Variants in CYP2S1 observed in about 807,000 individuals in gnomAD.
CYP2S1 encodes cytochrome P450 2S1.
Under a neutral mutation model 43.5 loss-of-function variants are expected in CYP2S1, and 32 were observed. The observed-to-expected ratio is 0.74, with a 90% confidence interval of 0.56 to 0.99. The LOEUF is 0.99. Ranked by LOEUF, CYP2S1 falls within the 50% of genes least tolerant of loss-of-function variation. CYP2S1 has a pLI of 0.00. For synonymous variants in CYP2S1, 283 were observed against 302.9 expected, an observed-to-expected ratio of 0.93 and a Z score of 0.68; for missense variants, 575 against 673.9, an observed-to-expected ratio of 0.85 and a Z score of 1.62.
rs750348473 is a variant in CYP2S1 at position 41,198,446 on chromosome 19, C to A, written c.494-16C>A. The A allele has an allele frequency of 1.2e-6, 2 of 1,612,340 alleles. No individual in the cohort carries two copies. Among genetic ancestry groups the A allele is most frequent in the African/African-American group, 1.3e-5 (1 of 74,920 alleles). ...GGCTCCATCACAGCCTACCTCCCTG[C>A]CCCCATTCCCCCCAGGACGCCCATT... is the stretch of plus-strand genomic sequence containing the variant. On this transcript the variant is annotated splice_polypyrimidine_tract_variant and intron_variant, in intron 3 of 8. Coordinates refer to ENST00000310054, the MANE Select transcript of CYP2S1 (RefSeq NM_030622.8). The surrounding 1 kb of genome is among the most constrained non-coding windows in gnomAD (Gnocchi z 4.9).
chr19:41,198,985 C>A lies in CYP2S1; in HGVS notation c.834+97C>A. 1 of 1,370,074 alleles carries A rather than the reference C, an allele frequency of 7.3e-7. No homozygotes were observed. The highest frequency in any genetic ancestry group is 2.4e-5 in the East Asian group (1 of 41,306). The allele number at this position is 1,370,074 out of a possible 1,614,324, so 84.9% of individuals were successfully genotyped here. Reference sequence around the variant, plus strand: ...CTGGGGACCTCAATTGGGTTCCTCTCTCTTTCTCTCTCTGCATGTCTCTGT... The same window carrying A: ...CTGGGGACCTCAATTGGGTTCCTCTATCTTTCTCTCTCTGCATGTCTCTGT... On this transcript the variant is annotated intron_variant, in intron 5 of 8. Coordinates refer to ENST00000310054, the MANE Select transcript of CYP2S1 (RefSeq NM_030622.8). This position sits in a 1 kb window ranked among gnomAD's most constrained non-coding sequence, Gnocchi z 4.9.
At chr19:41,199,489 T>C (rs2033460448) in intron 5 of CYP2S1, among the ~76,000 whole-genome samples, 1 of 151,922 alleles carries the variant, frequency 6.6e-6, no homozygotes, top group South Asian at 2.1e-4. Context: ...CAAGCAATCC[T>C]CCTGCCTCGG....
intron 6 of CYP2S1, among the ~76,000 whole-genome samples, chr19:41,202,150 G>A (rs764753024): frequency 6.6e-6 from 1 of 152,024 alleles, no homozygotes; most frequent in South Asian, 2.1e-4. Context: ...ACCACGCCCA[G>A]CTAACTTTTG....
Position 41,197,558 on chromosome 19 carries a change from G to C in CYP2S1, c.344-221G>C, listed in dbSNP as rs577444918. Among the ~76,000 whole-genome samples, 11 of 152,140 alleles carry C rather than the reference G, an allele frequency of 7.2e-5. No homozygotes were observed. The East Asian group carries it at 2.1e-3, about 30-fold the overall frequency. On this transcript the variant is annotated intron_variant, in intron 2 of 8. Transcript: ENST00000310054. ...TACTAAAAATACAAAAAATGAGCCA[G>C]GCATGGTGGCGGGCGCCTGTAGTCC...
chr19:41,206,857 A>G lies in CYP2S1; in HGVS notation c.*369A>G. 4.2e-6 allele frequency: 2 copies of G among 474,420 alleles called. No homozygotes were observed. The highest frequency in any genetic ancestry group is 2.3e-5 in the Admixed American group (1 of 43,016). 29.4% of individuals were successfully genotyped at this position (474,420 alleles called of 1,614,324 possible). A position where few individuals can be genotyped will look rare whatever the true frequency, so the allele number is the denominator to read the frequency against. On this transcript the variant is annotated 3_prime_UTR_variant, in exon 9 of 9. Coordinates refer to ENST00000310054, the MANE Select transcript of CYP2S1 (RefSeq NM_030622.8). ...TCACAAGCCACAGAAACGGCCACACATGTTCACAGCTCACACGCCCTCTCC... is the reference window on the plus strand; with the variant it reads ...TCACAAGCCACAGAAACGGCCACACGTGTTCACAGCTCACACGCCCTCTCC...
intron 6 of CYP2S1, among the ~76,000 whole-genome samples, chr19:41,202,136 C>A (rs561657225): frequency 9.9e-5 from 15 of 152,168 alleles, no homozygotes; most frequent in African/African-American, 3.4e-4. Flanking sequence ...TACAAGCATG[C>A]ACCACCACGC....
At chr19:41,197,734 G>C (rs749294889) in intron 2 of CYP2S1, 45 bp from the exon 3 acceptor site, 7 of 1,598,434 alleles carry the variant, frequency 4.4e-6, no homozygotes, top group South Asian at 2.3e-5. Flanking sequence ...AAGGGGGAAT[G>C]GGGGAGAGGG....
At position 41,207,418 on chromosome 19, in the gene CYP2S1, G is replaced by T. The variant is rs75387715; in HGVS notation, c.*930G>T. On this transcript the variant is annotated 3_prime_UTR_variant, in exon 9 of 9. Coordinates refer to ENST00000310054, the MANE Select transcript of CYP2S1 (RefSeq NM_030622.8). ...GTCCCCACTAGACCCAGTGGAAGGG[G>T]TTAGAGACCAAGTAGGGGCCAGTTT... 2,902 of 156,082 alleles carry T rather than the reference G, an allele frequency of 0.019. 92 individuals carry two copies. Among genetic ancestry groups the T allele is most frequent in the African/African-American group, 0.066 (2,763 of 41,570 alleles). 9.7% of individuals were successfully genotyped at this position (156,082 alleles called of 1,614,324 possible). A position where few individuals can be genotyped will look rare whatever the true frequency, so the allele number is the denominator to read the frequency against.
In CYP2S1 at chr19:41,198,800, T is replaced by C. The variant is rs1290432030; in HGVS notation, c.746T>C (p.Val249Ala). Residue 249 changes from valine (V) to alanine (A), a missense_variant, in exon 5 of 9, where the codon GTC (valine) becomes GCC (alanine). By Grantham distance (64) the Val-to-Ala change is moderately conservative. Around this residue, in one of 2 missense-constraint regions of CYP2S1, gnomAD observed 353 missense variants for 367.6 expected, o/e 0.96. Transcript: ENST00000310054. The surrounding 1 kb of genome is among the most constrained non-coding windows in gnomAD (Gnocchi z 4.9). ...HHVSTLAAFT[V>A]RQVQQHQGNL... is the part of the protein sequence containing the mutation. Reference sequence around the variant, plus strand: ...GTCAGCACCTTGGCTGCCTTCACAGTCCGGCAGGTGCAGCAGCACCAGGGG... The same window carrying C: ...GTCAGCACCTTGGCTGCCTTCACAGCCCGGCAGGTGCAGCAGCACCAGGGG... 6.2e-7 allele frequency: 1 copy of C among 1,614,066 alleles called. No individual in the cohort carries two copies.
chr19:41,202,047 T>A (rs185199313), intron 6 of CYP2S1, among the ~76,000 whole-genome samples: 14 of 152,180 alleles, frequency 9.2e-5, no homozygotes, highest in Non-Finnish European at 2.1e-4. Flanking sequence ...AGTGCAGTAG[T>A]GCGATCTCGG....
Position 41,206,358 on chromosome 19 carries a change from C to T in CYP2S1, c.1385C>T (p.Ser462Phe). Residue 462 changes from serine to phenylalanine, a missense_variant, in exon 9 of 9, where the codon TCC becomes TTC. Transcript: ENST00000310054. ...TTCACCACCATCCTACAAGCCTTCT[C>T]CCTGGAGAGCCCGTGCCCGCCGGAC... ...LFFTTILQAF[S>F]LESPCPPDTL... 1.2e-6 allele frequency: 2 copies of T among 1,614,158 alleles called. No individual in the cohort carries two copies. Among genetic ancestry groups the T allele is most frequent in the Non-Finnish European group, 1.7e-6 (2 of 1,180,024 alleles).
rs993926096 is a variant in CYP2S1 at position 41,199,802 on chromosome 19, T to TA, written c.834+925dup. ...CAACATGGAGAAACCCCATCTCTACTAAAAAAAAAAATACAAAATTAGCCG... is the reference window on the plus strand; with the variant it reads ...CAACATGGAGAAACCCCATCTCTACTAAAAAAAAAAAATACAAAATTAGCCG... On this transcript the variant is annotated intron_variant, in intron 5 of 8. Transcript: ENST00000310054. 7.8e-3 allele frequency among the ~76,000 whole-genome samples: 1,121 copies of TA among 144,532 alleles called. 5 individuals are homozygous for TA. Among genetic ancestry groups the TA allele is most frequent in the African/African-American group, 0.013 (507 of 39,648 alleles). The allele number at this position is 144,532 out of a possible 152,430, so 94.8% of individuals were successfully genotyped here.
At position 41,206,718 on chromosome 19, in the gene CYP2S1, G is replaced by A. The variant is rs774041118; in HGVS notation, c.*230G>A. 1.6e-5 allele frequency: 12 copies of A among 757,116 alleles called. No individual in the cohort carries two copies. The highest frequency in any genetic ancestry group is 2.9e-5 in the Non-Finnish European group (12 of 415,074). The allele number at this position is 757,116 out of a possible 1,614,324, so 46.9% of individuals were successfully genotyped here. The stretch of plus-strand genomic sequence containing the variant: ...TACAAGGGCCACAAAGCAACTGCTG[G>A]GTTAGCTTTCCACAGACATAAATAT... On this transcript the variant is annotated 3_prime_UTR_variant, in exon 9 of 9. Coordinates refer to ENST00000310054, the MANE Select transcript of CYP2S1 (RefSeq NM_030622.8).
chr19:41,195,497 C>G (rs543396347), intron 2 of CYP2S1, among the ~76,000 whole-genome samples: 2 of 138,040 alleles, frequency 1.4e-5, no homozygotes, highest in African/African-American at 2.6e-5. Flanking sequence ...TGGGGAAGCA[C>G]GGGGAGAAAG....
At position 41,207,076 on chromosome 19, in the gene CYP2S1, C is replaced by T; in HGVS notation, c.*588C>T. ...CCCAACCACTTGTCCACACAGCTAC[C>T]CACGTACGACATCGTCCTGGCTCCC... is the stretch of plus-strand genomic sequence containing the variant. On this transcript the variant is annotated 3_prime_UTR_variant, in exon 9 of 9. Transcript: ENST00000310054. 1 of 333,318 alleles carries T rather than the reference C, an allele frequency of 3.0e-6. No individual in the cohort carries two copies. Among genetic ancestry groups the T allele is most frequent in the East Asian group, 7.7e-5 (1 of 12,986 alleles). 20.6% of individuals were successfully genotyped at this position (333,318 alleles called of 1,614,324 possible).
At position 41,198,090 on chromosome 19, in the gene CYP2S1, T is replaced by A. The variant is rs934387719; in HGVS notation, c.493+162T>A. Among the ~76,000 whole-genome samples the A allele has an allele frequency of 2.0e-5, 3 of 152,158 alleles. No homozygotes were observed. The highest frequency in any genetic ancestry group is 7.2e-5 in the African/African-American group (3 of 41,426). On this transcript the variant is annotated intron_variant, in intron 3 of 8. Coordinates refer to ENST00000310054, the MANE Select transcript of CYP2S1 (RefSeq NM_030622.8). The surrounding 1 kb of genome is among the most constrained non-coding windows in gnomAD (Gnocchi z 4.9). The stretch of plus-strand genomic sequence containing the variant: ...GTTCTGTTCACTGCCACCTTCTGTC[T>A]CTGTCCCACTGTCTCTCCGAGGCTG...
At position 41,205,985 on chromosome 19, in the gene CYP2S1, T is replaced by G; in HGVS notation, c.1192T>G (p.Ser398Ala). Reference protein sequence around the residue: ...QGTEVFPLLGSILHDPNIFKH... With the variant: ...QGTEVFPLLGAILHDPNIFKH... ...CACGGAGGTCTTCCCCCTCCTTGGC[T>G]CCATCCTGCATGACCCCAACATCTT... The change falls in exon 8 of 9, where the codon TCC (serine) becomes GCC (alanine). Residue 398 changes from serine (S) to alanine (A), a missense_variant. Transcript: ENST00000310054. The G allele has an allele frequency of 6.2e-7, 1 of 1,614,014 alleles. No homozygotes were observed. The highest frequency in any genetic ancestry group is 8.5e-7 in the Non-Finnish European group (1 of 1,179,978).
Position 41,206,461 on chromosome 19 carries a change from C to T in CYP2S1, c.1488C>T (p.Asp496=), listed in dbSNP as rs1369171826. 1.2e-6 allele frequency: 2 copies of T among 1,614,158 alleles called. No individual in the cohort carries two copies. The highest frequency in any genetic ancestry group is 2.7e-5 in the African/African-American group (2 of 75,048). Reference sequence around the variant, plus strand: ...TCCAGCTGCAAGTCCGTCCCACTGACCTTCACTCCACCACGCAGACCAGAT... The same window carrying T: ...TCCAGCTGCAAGTCCGTCCCACTGATCTTCACTCCACCACGCAGACCAGAT... ...PAFQLQVRPT[D]LHSTTQTR Residue 496 remains aspartate (D), a synonymous_variant, in exon 9 of 9, where the codon GAC becomes GAT. Coordinates refer to ENST00000310054, the MANE Select transcript of CYP2S1 (RefSeq NM_030622.8).
intron 2 of CYP2S1, 42 bp from the exon 3 acceptor site, chr19:41,197,737 G>A (rs1441183314): frequency 3.7e-6 from 6 of 1,605,208 alleles, no homozygotes; most frequent in Middle Eastern, 1.7e-4. Context: ...GGGGAATGGG[G>A]GAGAGGGGCC....
Sources: gnomAD v4.1 joint callset for allele counts (sites outside exome capture counted in the v4.1 genomes callset) on GRCh38, gnomAD v4.1.1 for gene constraint, gnomAD v4.1.1 regional missense constraint, Gnocchi (gnomAD v3.1) non-coding constraint, MANE v1.5 for transcripts, NCBI Gene and HGNC (gene_info 2026-07-23, HGNC 2026-07-21) for gene names.